Variants in AGBL1 observed in about 807,000 individuals in gnomAD.
AGBL1 encodes cytosolic carboxypeptidase 4.
AGBL1 carries 130 observed loss-of-function variants against 118.9 expected under a neutral mutation model. That is an observed-to-expected ratio of 1.09 (90% CI 0.95 to 1.26). The LOEUF (loss-of-function observed/expected upper bound fraction) is 1.26. AGBL1 is among the 50% of genes most tolerant of loss of function. The pLI, the probability that AGBL1 is intolerant of heterozygous loss-of-function variation, is 0.00. For synonymous variants in AGBL1, 555 were observed against 478.9 expected (o/e 1.16, Z -2.08); for missense variants, 1,584 against 1,298.1 (o/e 1.22, Z -3.38).
At chr15:86,171,691 T>C (rs1451380284) in intron 5 of AGBL1, among the ~76,000 whole-genome samples, 2 of 152,140 alleles carry the variant, frequency 1.3e-5, no homozygotes, top group African/African-American at 4.8e-5. Flanking sequence ...TTGCATACTC[T>C]ATGTAAGGGC....
chr15:86,332,292 C>T (rs568200476), intron 17 of AGBL1, among the ~76,000 whole-genome samples: 1 of 152,218 alleles, frequency 6.6e-6, no homozygotes, highest in South Asian at 2.1e-4. Flanking sequence ...GATGTCTACA[C>T]AATAATAGTG....
intron 23 of AGBL1, among the ~76,000 whole-genome samples, chr15:86,953,767 A>G (rs2080903161): frequency 1.3e-5 from 2 of 152,122 alleles, no homozygotes; most frequent in Non-Finnish European, 2.9e-5. Flanking sequence ...TTGTACACTG[A>G]TTTTGTATCT....
Position 86,168,353 on chromosome 15 carries a change from C to T in AGBL1, c.488+9327C>T, listed in dbSNP as rs540257392. On this transcript the variant is annotated intron_variant, in intron 5 of 22. Transcript: ENST00000614907. ...GGATGTTAATTTTATAAGAGCACCA[C>T]GTTCTAGGCAGAGGCAGAAGCAAGA... Among the ~76,000 whole-genome samples, 7 of 152,184 alleles carry T rather than the reference C, an allele frequency of 4.6e-5. No individual in the cohort carries two copies. The South Asian group carries it at 6.2e-4, about 14-fold the overall frequency.
chr15:86,379,574 T>TG (rs1366245132), intron 17 of AGBL1, among the ~76,000 whole-genome samples: 1 of 152,232 alleles, frequency 6.6e-6, no homozygotes, highest in Non-Finnish European at 1.5e-5. Flanking sequence ...ATGTGTGCCA[T>TG]GTACTTTGCA....
intron 22 of AGBL1, among the ~76,000 whole-genome samples, chr15:86,707,601 A>T (rs1429169105): frequency 6.6e-6 from 1 of 152,132 alleles, no homozygotes; most frequent in Non-Finnish European, 1.5e-5. Flanking sequence ...AAAAAGACAA[A>T]ATCGAATGTG....
At chr15:86,455,376 A>G (rs975728088) in intron 18 of AGBL1, among the ~76,000 whole-genome samples, 1 of 152,152 alleles carries the variant, frequency 6.6e-6, no homozygotes, top group Non-Finnish European at 1.5e-5. Flanking sequence ...AGAGTTTTCA[A>G]AGCTATTTTT....
intron 21 of AGBL1, among the ~76,000 whole-genome samples, chr15:86,566,423 T>A (rs2437784): frequency 6.6e-6 from 1 of 152,186 alleles, no homozygotes; most frequent in Non-Finnish European, 1.5e-5. Flanking sequence ...TTCACCTTTC[T>A]AGAGTATACA....
At chr15:86,249,877 T>G (rs1448760641) in intron 7 of AGBL1, among the ~76,000 whole-genome samples, 1 of 152,256 alleles carries the variant, frequency 6.6e-6, no homozygotes, top group Admixed American at 6.5e-5. Flanking sequence ...CATGAGGTGC[T>G]ATGAATCTGT....
chr15:86,280,361 T>C (rs2079331415), intron 16 of AGBL1, among the ~76,000 whole-genome samples: 1 of 152,146 alleles, frequency 6.6e-6, no homozygotes, highest in Non-Finnish European at 1.5e-5. Flanking sequence ...ACAATCTTTT[T>C]ATGAGGGAGA....
intron 18 of AGBL1, among the ~76,000 whole-genome samples, chr15:86,503,271 G>A (rs1384830105): frequency 1.3e-5 from 2 of 151,264 alleles, no homozygotes; most frequent in Non-Finnish European, 3.0e-5. Context: ...GCCTCAGTAA[G>A]GTCATTAGTA....
At chr15:86,407,845 G>A (rs1468268479) in intron 18 of AGBL1, among the ~76,000 whole-genome samples, 3 of 152,086 alleles carry the variant, frequency 2.0e-5, no homozygotes, top group African/African-American at 7.2e-5. Context: ...TCATGTGGGG[G>A]AATGATTCCC....
intron 17 of AGBL1, among the ~76,000 whole-genome samples, chr15:86,396,420 G>C (rs756134163): frequency 6.6e-6 from 1 of 151,914 alleles, no homozygotes; most frequent in African/African-American, 2.4e-5. Flanking sequence ...TCTCCATAAA[G>C]ACTGTTCATG....
chr15:86,778,940 T>G (rs902798565), intron 22 of AGBL1, among the ~76,000 whole-genome samples: 1 of 152,190 alleles, frequency 6.6e-6, no homozygotes, highest in Non-Finnish European at 1.5e-5. Flanking sequence ...TATAAAAGTA[T>G]TAATTTGGGG....
chr15:86,702,827 T>C (rs77483023), intron 22 of AGBL1, among the ~76,000 whole-genome samples: 1,728 of 150,754 alleles, frequency 0.011, 25 homozygotes, highest in East Asian at 0.072. Flanking sequence ...CCTTTTTTTT[T>C]CCTTGCCCAG....
At chr15:86,803,688 A>G (rs111376866) in intron 22 of AGBL1, among the ~76,000 whole-genome samples, 63 of 152,220 alleles carry the variant, frequency 4.1e-4, no homozygotes, top group African/African-American at 1.4e-3. Context: ...CTTGGTAAGG[A>G]CAAAATTCAT....
chr15:86,859,206 G>C (rs2079526721), intron 22 of AGBL1, among the ~76,000 whole-genome samples: 1 of 152,130 alleles, frequency 6.6e-6, no homozygotes, highest in South Asian at 2.1e-4. Context: ...TCCATAGATG[G>C]ATGTTTCCAG....
downstream of AGBL1, among the ~76,000 whole-genome samples, chr15:87,030,406 A>T (rs1034359708): frequency 1.2e-4 from 18 of 152,142 alleles, no homozygotes; most frequent in African/African-American, 4.1e-4. Flanking sequence ...TTGAACAGGT[A>T]AGTATTTCTT....
intron 18 of AGBL1, among the ~76,000 whole-genome samples, chr15:86,477,375 C>A (rs77006937): frequency 0.38 from 58,386 of 151,686 alleles, 12,171 homozygotes; most frequent in Middle Eastern, 0.53. Flanking sequence ...ATCAAATAGA[C>A]GCAATAAAAA....
intron 19 of AGBL1, among the ~76,000 whole-genome samples, chr15:86,542,097 G>A (rs150593608): frequency 2.2e-4 from 33 of 152,290 alleles, no homozygotes; most frequent in African/African-American, 2.9e-4. Context: ...TTAATTGGGT[G>A]GTTGAATGAA....
Sources: allele counts gnomAD v4.1 joint callset (sites outside exome capture counted in the v4.1 genomes callset), GRCh38; gene constraint gnomAD v4.1.1; transcripts MANE v1.5; gene names NCBI Gene and HGNC (gene_info 2026-07-23, HGNC 2026-07-21).